Variants in AGBL1 observed in about 807,000 individuals in gnomAD.
AGBL1 encodes the protein cytosolic carboxypeptidase 4.
In AGBL1, 130 loss-of-function variants were observed where a neutral mutation model predicts 118.9. The ratio of observed to expected loss-of-function variants is 1.09; its 90% CI spans 0.95 to 1.26. The LOEUF (loss-of-function observed/expected upper bound fraction) is 1.26, where lower values mean the gene tolerates loss of function less well. AGBL1 is among the 50% of genes most tolerant of loss of function. The probability of loss-of-function intolerance (pLI) is 0.00; values close to 1 mark genes in which losing one functional copy is unlikely to be tolerated. For synonymous variants in AGBL1, 555 were observed against 478.9 expected (o/e 1.16, Z -2.08); for missense variants, 1,584 against 1,298.1 (o/e 1.22, Z -3.38).
At chr15:86,445,309 T>C (rs1395882069) in intron 18 of AGBL1, among the ~76,000 whole-genome samples, 1 of 152,240 alleles carries the variant, frequency 6.6e-6, no homozygotes, top group African/African-American at 2.4e-5. Flanking sequence ...CTTACAAAGA[T>C]ATGACTTTTT....
chr15:86,935,567 G>A (rs1567247857), intron 23 of AGBL1, among the ~76,000 whole-genome samples: 1 of 152,154 alleles, frequency 6.6e-6, no homozygotes, highest in African/African-American at 2.4e-5. Flanking sequence ...AAAACACTGG[G>A]AGCCATATCA....
chr15:86,558,481 C>T (rs1020781086), intron 21 of AGBL1, among the ~76,000 whole-genome samples: 5 of 152,174 alleles, frequency 3.3e-5, no homozygotes, highest in South Asian at 2.1e-4. Flanking sequence ...TCAACCTCCC[C>T]CTCTGCCCAA....
At chr15:86,578,438 A>G (rs1034175417) in intron 21 of AGBL1, among the ~76,000 whole-genome samples, 2 of 152,096 alleles carry the variant, frequency 1.3e-5, no homozygotes, top group African/African-American at 2.4e-5. Context: ...GCCTTGTCTC[A>G]GATGAGACTT....
downstream of AGBL1, among the ~76,000 whole-genome samples, chr15:87,029,807 A>T (rs192671489): frequency 1.9e-3 from 294 of 151,824 alleles, no homozygotes; most frequent in African/African-American, 6.8e-3. Context: ...AGGTGCACAT[A>T]CACACACACA....
At chr15:86,748,388 G>T (rs1159795262) in intron 22 of AGBL1, among the ~76,000 whole-genome samples, 1 of 151,442 alleles carries the variant, frequency 6.6e-6, no homozygotes, top group Non-Finnish European at 1.5e-5. Context: ...TTAGCCCTTT[G>T]TCAGATGAGT....
chr15:86,748,570 G>A (rs62031429), intron 22 of AGBL1, among the ~76,000 whole-genome samples: 1 of 103,254 alleles, frequency 9.7e-6, no homozygotes, highest in Non-Finnish European at 1.8e-5. Context: ...GTGTTTTAGA[G>A]ATGAAGTCCT....
In AGBL1 at chr15:86,142,076, G is replaced by GC. The variant is rs1176401334; in HGVS notation, c.115+11dup. On this transcript the variant is annotated intron_variant, in intron 2 of 22. Transcript: ENST00000614907. ...AGATCTGCTTTCTGTTGGTGAGTAG[G>GC]CCATGCTCTCATGCTTTCATATGGC... 3.2e-6 allele frequency: 5 copies of GC among 1,549,646 alleles called. No homozygotes were observed. In the East Asian group the frequency reaches 9.8e-5, roughly 30 times the overall value.
chr15:86,635,325 C>CCTCCTCCTACTCCTCTTA (rs2085064501), intron 21 of AGBL1, among the ~76,000 whole-genome samples: 2 of 102,834 alleles, frequency 1.9e-5, no homozygotes, highest in African/African-American at 8.6e-5. Flanking sequence ...TCCTCCTCCT[C>CCTCCTCCTACTCCTCTTA]CTCCTCCTCC....
At chr15:86,400,562 G>A (rs754204406) in intron 18 of AGBL1, among the ~76,000 whole-genome samples, 7 of 149,204 alleles carry the variant, frequency 4.7e-5, no homozygotes, top group Non-Finnish European at 7.4e-5. Flanking sequence ...CCCATCCCCC[G>A]AGCAGTGTAC....
chr15:86,925,128 G>GAA (rs2080518930), intron 23 of AGBL1, among the ~76,000 whole-genome samples: 2 of 44,714 alleles, frequency 4.5e-5, no homozygotes, highest in African/African-American at 6.4e-5. Flanking sequence ...AAGAAGAAGA[G>GAA]GAAGAGGAAG....
In AGBL1 at chr15:86,454,127, A is replaced by T. The variant is rs563011303; in HGVS notation, c.2555+56581A>T. On this transcript the variant is annotated intron_variant, in intron 18 of 22. Transcript: ENST00000614907. Reference sequence around the variant, plus strand: ...CTTTTTCTCGCTCTCTTCACCATGTATGGAAGACTGTTATTTCTGAATCTT... The same window carrying T: ...CTTTTTCTCGCTCTCTTCACCATGTTTGGAAGACTGTTATTTCTGAATCTT... Among the ~76,000 whole-genome samples, 1,009 of 152,242 alleles carry T rather than the reference A, an allele frequency of 6.6e-3. 9 individuals carry two copies. Among genetic ancestry groups the T allele is most frequent in the Non-Finnish European group, 0.01 (694 of 68,010 alleles).
intron 18 of AGBL1, among the ~76,000 whole-genome samples, chr15:86,465,534 G>T (rs1462479736): frequency 6.6e-6 from 1 of 152,188 alleles, no homozygotes; most frequent in Non-Finnish European, 1.5e-5. Context: ...GCGAATAGGA[G>T]AAATATTGCA....
chr15:86,698,262 A>T (rs2086296682), intron 22 of AGBL1, among the ~76,000 whole-genome samples: 1 of 152,022 alleles, frequency 6.6e-6, no homozygotes, highest in Non-Finnish European at 1.5e-5. Flanking sequence ...CAGAAAACTG[A>T]TGAACAGACC....
chr15:86,931,402 T>A (rs1437440536), intron 23 of AGBL1, among the ~76,000 whole-genome samples: 1 of 152,150 alleles, frequency 6.6e-6, no homozygotes, highest in Non-Finnish European at 1.5e-5. Context: ...GCCTTGCAGA[T>A]AAACACCCAC....
chr15:86,095,097 CA>C (rs142057503), intron 1 of AGBL1, among the ~76,000 whole-genome samples: 16,058 of 152,094 alleles, frequency 0.11, 2,256 homozygotes, highest in African/African-American at 0.33. Context: ...AATGAATAGT[CA>C]GATGGAGAGG....
At chr15:86,509,743 C>G (rs138450462) in intron 18 of AGBL1, among the ~76,000 whole-genome samples, 24 of 152,204 alleles carry the variant, frequency 1.6e-4, no homozygotes, top group African/African-American at 5.3e-4. Flanking sequence ...GTCACTGACA[C>G]TTTGTCTTTT....
At chr15:86,760,246 G>T (rs1353865134) in intron 22 of AGBL1, among the ~76,000 whole-genome samples, 1 of 152,026 alleles carries the variant, frequency 6.6e-6, no homozygotes, top group Admixed American at 6.6e-5. Context: ...TGACTAAATT[G>T]TTCCTGGCTA....
intron 18 of AGBL1, among the ~76,000 whole-genome samples, chr15:86,499,448 G>A (rs1203991489): frequency 1.3e-5 from 2 of 151,860 alleles, no homozygotes; most frequent in Non-Finnish European, 2.9e-5. Context: ...GCTGGGCTTA[G>A]ACAAAGAAAT....
chr15:86,410,805 T>TAGAG lies in AGBL1; in HGVS notation c.2555+13262_2555+13263insGAGA, dbSNP rs200247050. ...GCAGAGGAAGAGACAAGGTCAAATG[T>TAGAG]AGATATATATATATATATATATATA... On this transcript the variant is annotated intron_variant, in intron 18 of 22. Coordinates refer to ENST00000614907, the MANE Select transcript of AGBL1 (RefSeq NM_001386094.1). 1.9e-3 allele frequency among the ~76,000 whole-genome samples: 110 copies of TAGAG among 57,598 alleles called. 2 individuals carry two copies. The highest frequency in any genetic ancestry group is 2.5e-3 in the Non-Finnish European group (81 of 32,026). The allele number at this position is 57,598 out of a possible 152,430, so 37.8% of individuals were successfully genotyped here.
Sources: gnomAD v4.1 joint callset for allele counts (sites outside exome capture counted in the v4.1 genomes callset) on GRCh38, gnomAD v4.1.1 for gene constraint, MANE v1.5 for transcripts, NCBI Gene and HGNC (gene_info 2026-07-23, HGNC 2026-07-21) for gene names.